The following USP37 variants were observed in gnomAD, a reference collection of about 807,000 sequenced individuals.
The protein encoded by USP37 is ubiquitin specific peptidase 37, also known as ubiquitin carboxyl-terminal hydrolase 37.
Under a neutral mutation model 124.0 loss-of-function variants are expected in USP37, and 27 were observed. The observed-to-expected ratio is 0.22, with a 90% CI of 0.16 to 0.30. The LOEUF is 0.30. USP37 is among the 10% of genes least tolerant of loss of function. The pLI is 1.00. For missense variants in USP37, 889 were observed against 1,140.4 expected (o/e 0.78, Z 3.17); for synonymous variants, 365 against 388.0 (o/e 0.94, Z 0.70).
At chr2:218,470,340 CT>C (rs748172493) in intron 20 of USP37, among the ~76,000 whole-genome samples, 3 of 151,328 alleles carry the variant, frequency 2.0e-5, no homozygotes, top group Non-Finnish European at 3.0e-5. Context: ...AATCCATCAA[CT>C]TTTTTTTTCA....
chr2:218,565,571 T>C (rs1456564401), intron 1 of USP37, among the ~76,000 whole-genome samples: 1 of 152,228 alleles, frequency 6.6e-6, no homozygotes, highest in Admixed American at 6.5e-5. Flanking sequence ...CTTTTCAGAA[T>C]GAAAAGTGTT....
intron 10 of USP37, 70 bp from the exon 11 acceptor site, chr2:218,510,210 TAAGAG>T (rs1456211553): frequency 6.7e-7 from 1 of 1,492,602 alleles, no homozygotes; most frequent in African/African-American, 1.4e-5. Flanking sequence ...TTGAATAGAT[TAAGAG>T]AAGTCAATGT....
intron 9 of USP37, among the ~76,000 whole-genome samples, chr2:218,533,894 T>C (rs34100428): frequency 0.057 from 8,648 of 152,302 alleles, 364 homozygotes; most frequent in East Asian, 0.12. Context: ...ACAAAAATGT[T>C]TTTGTAAAAA....
At chr2:218,465,230 C>T (rs994138754) in intron 21 of USP37, among the ~76,000 whole-genome samples, 1 of 151,806 alleles carries the variant, frequency 6.6e-6, no homozygotes, top group African/African-American at 2.4e-5. Context: ...CCTTAAAATA[C>T]AATTATAAAA....
chr2:218,479,096 A>T (rs1272886663), intron 18 of USP37, among the ~76,000 whole-genome samples: 1 of 152,192 alleles, frequency 6.6e-6, no homozygotes, highest in Non-Finnish European at 1.5e-5. Flanking sequence ...TATATTTAAA[A>T]AGCAAACAAA....
chr2:218,504,388 C>T (rs973314896), intron 11 of USP37, among the ~76,000 whole-genome samples: 10 of 152,032 alleles, frequency 6.6e-5, no homozygotes, highest in African/African-American at 2.2e-4. Flanking sequence ...GCTGTTAACC[C>T]CTTTATCATA....
chr2:218,556,097 T>C (rs1428502933), intron 4 of USP37, among the ~76,000 whole-genome samples: 1 of 152,232 alleles, frequency 6.6e-6, no homozygotes, highest in East Asian at 1.9e-4. Flanking sequence ...TTTGAGATTC[T>C]TGGCTCCTTA....
intron 11 of USP37, among the ~76,000 whole-genome samples, chr2:218,507,016 T>A (rs931093670): frequency 2.6e-5 from 4 of 152,082 alleles, no homozygotes; most frequent in Non-Finnish European, 4.4e-5. Flanking sequence ...CAGGTTGGTT[T>A]TGAACTCCTG....
chr2:218,562,341 A>T (rs1693356378), intron 2 of USP37, among the ~76,000 whole-genome samples: 1 of 152,382 alleles, frequency 6.6e-6, no homozygotes, highest in South Asian at 2.1e-4. Context: ...AGAAGACAAA[A>T]GATAATTAAA....
At chr2:218,493,029 C>G (rs796264600) in intron 14 of USP37, among the ~76,000 whole-genome samples, 4 of 151,988 alleles carry the variant, frequency 2.6e-5, no homozygotes, top group African/African-American at 9.6e-5. Flanking sequence ...ATTTTTTTCC[C>G]TCATATTCAA....
At position 218,482,155 on chromosome 2, in the gene USP37, T is replaced by C; in HGVS notation, c.1750A>G (p.Ile584Val). Residue 584 changes from isoleucine (I) to valine (V), a missense_variant, in exon 17 of 26, where the codon ATT becomes GTT. Ile to Val is a conservative substitution (Grantham distance 29). Coordinates refer to ENST00000258399, the MANE Select transcript of USP37 (RefSeq NM_020935.3). ...LNNKIGQQVI[I>V]PRYLTLSSHC... ...GATGACAGGGTCAGGTATCTTGGAATGATGACTTGCTGCCCAATCTTATTG... is the reference window on the plus strand; with the variant it reads ...GATGACAGGGTCAGGTATCTTGGAACGATGACTTGCTGCCCAATCTTATTG... The C allele has an allele frequency of 6.2e-7, 1 of 1,614,078 alleles. No individual in the cohort carries two copies. Among genetic ancestry groups the C allele is most frequent in the Non-Finnish European group, 8.5e-7 (1 of 1,179,946 alleles).
intron 8 of USP37, 30 bp from the exon 9 acceptor site, chr2:218,534,736 T>C: frequency 7.2e-7 from 1 of 1,396,212 alleles, no homozygotes; most frequent in Non-Finnish European, 9.8e-7. Flanking sequence ...ATCAATATAG[T>C]ACAGGTGTAT....
At position 218,450,796 on chromosome 2, in the gene USP37, C is replaced by T. The variant is rs865899671; in HGVS notation, c.*4134G>A. 6.6e-6 allele frequency: 1 copy of T among 152,216 alleles called. No individual in the cohort carries two copies. The highest frequency in any genetic ancestry group is 2.4e-5 in the African/African-American group (1 of 41,440). The allele number at this position is 152,216 out of a possible 1,614,324, so 9.4% of individuals were successfully genotyped here. On this transcript the variant is annotated 3_prime_UTR_variant, in exon 26 of 26. Coordinates refer to ENST00000258399, the MANE Select transcript of USP37 (RefSeq NM_020935.3). ...CCAATGGACATACCTATACTTTGAA[C>T]CTCTGTACTTTTAAGAAAAGTCCAA...
rs575427004 is a variant in USP37 at position 218,510,161 on chromosome 2, T to C, written c.864-21A>G. Reference sequence around the variant, plus strand: ...TAGTCCTACAAAAAAGCATAAATAATGAAGAAGCAAAATAAATTTTTGAAT... The same window carrying C: ...TAGTCCTACAAAAAAGCATAAATAACGAAGAAGCAAAATAAATTTTTGAAT... On this transcript the variant is annotated intron_variant, in intron 10 of 25. Coordinates refer to ENST00000258399, the MANE Select transcript of USP37 (RefSeq NM_020935.3). 34 of 1,591,002 alleles carry C rather than the reference T, an allele frequency of 2.1e-5. No individual in the cohort carries two copies. The East Asian group carries it at 6.1e-4, about 28-fold the overall frequency.
At chr2:218,524,466 A>G (rs1690839188) in intron 10 of USP37, among the ~76,000 whole-genome samples, 1 of 152,208 alleles carries the variant, frequency 6.6e-6, no homozygotes, top group Admixed American at 6.5e-5. Flanking sequence ...AGCTTGAAAT[A>G]TTTTAATTTC....
chr2:218,467,784 T>C (rs1428275011), intron 20 of USP37, among the ~76,000 whole-genome samples: 1 of 150,408 alleles, frequency 6.6e-6, no homozygotes, highest in African/African-American at 2.4e-5. Context: ...CCTCCCGGCC[T>C]GTTCCTTCTC....
chr2:218,563,375 T>C (rs891063897), intron 1 of USP37, among the ~76,000 whole-genome samples: 2 of 152,218 alleles, frequency 1.3e-5, no homozygotes, highest in African/African-American at 4.8e-5. Context: ...ACTTGTACCT[T>C]GGTTTATTCA....
intron 14 of USP37, among the ~76,000 whole-genome samples, chr2:218,488,931 G>A (rs112189176): frequency 0.023 from 3,558 of 151,958 alleles, 140 homozygotes; most frequent in African/African-American, 0.082. Flanking sequence ...CACCACGCCC[G>A]GCCAATTTTT....
Position 218,450,294 on chromosome 2 carries a change from T to C in USP37, c.*4636A>G, listed in dbSNP as rs962791403. 8 of 152,348 alleles carry C rather than the reference T, an allele frequency of 5.3e-5. No individual in the cohort carries two copies. The highest frequency in any genetic ancestry group is 1.2e-4 in the Non-Finnish European group (8 of 68,000). 9.4% of individuals were successfully genotyped at this position (152,348 alleles called of 1,614,324 possible). On this transcript the variant is annotated 3_prime_UTR_variant, in exon 26 of 26. Coordinates refer to ENST00000258399, the MANE Select transcript of USP37 (RefSeq NM_020935.3). ...TAATTTCATACACACAAAAAAACTC[T>C]ATGCATAATTTAAAAAGGAAACAAA...
Sources: allele counts gnomAD v4.1 joint callset (sites outside exome capture counted in the v4.1 genomes callset), GRCh38; gene constraint gnomAD v4.1.1; transcripts MANE v1.5; gene names NCBI Gene and HGNC (gene_info 2026-07-23, HGNC 2026-07-21).